Variants in EXT1 observed in about 807,000 individuals in gnomAD.
EXT1 encodes exostosin glycosyltransferase 1.
EXT1 carries 20 observed loss-of-function variants against 82.5 expected under a neutral mutation model. The ratio of observed to expected loss-of-function variants is 0.24; its 90% CI spans 0.17 to 0.35. The LOEUF (loss-of-function observed/expected upper bound fraction) is 0.35, where lower values mean the gene tolerates loss of function less well. Among genes scored for constraint, EXT1 ranks in the 10% least tolerant of loss-of-function variants. EXT1 has a pLI of 1.00. For missense variants in EXT1, 757 were observed against 936.5 expected, an observed-to-expected ratio of 0.81 and a Z score of 2.50; for synonymous variants, 348 against 350.8, an observed-to-expected ratio of 0.99 and a Z score of 0.09.
At chr8:117,802,000 T>A (rs1823173661) in intron 10 of EXT1, among the ~76,000 whole-genome samples, 1 of 152,214 alleles carries the variant, frequency 6.6e-6, no homozygotes, top group South Asian at 2.1e-4. Context: ...TCAACCAACA[T>A]CTATTAGAAA....
Position 117,830,335 on chromosome 8 carries a change from G to A in EXT1, c.1179C>T (p.Ile393=), listed in dbSNP as rs2129772459. ...ERLLLQIPST[I]RSIHQDKILA... is the part of the protein sequence containing the mutation. ...GGATTTTATCCTGATGAATAGACCT[G>A]ATTGTAGAAGGAATCTGTAACACAA... Residue 393 remains isoleucine (I), a synonymous_variant, in exon 4 of 11, where the codon ATC becomes ATT. Transcript: ENST00000378204. The A allele has an allele frequency of 3.7e-6, 6 of 1,613,982 alleles. No individual in the cohort carries two copies. The highest frequency in any genetic ancestry group is 5.1e-6 in the Non-Finnish European group (6 of 1,179,924).
chr8:117,873,738 G>A (rs1812918130), intron 1 of EXT1, among the ~76,000 whole-genome samples: 1 of 152,124 alleles, frequency 6.6e-6, no homozygotes. Context: ...TTACAGGCAT[G>A]AGCCACCGCG....
At chr8:117,908,737 C>A (rs1271322999) in intron 1 of EXT1, among the ~76,000 whole-genome samples, 2 of 152,114 alleles carry the variant, frequency 1.3e-5, no homozygotes, top group Admixed American at 6.5e-5. Context: ...CTAAGGAAAT[C>A]GTTATTAGCC....
intron 1 of EXT1, among the ~76,000 whole-genome samples, chr8:117,979,255 G>A (rs544996196): frequency 6.6e-6 from 1 of 152,140 alleles, no homozygotes; most frequent in East Asian, 1.9e-4. Flanking sequence ...TCGGGAGGCT[G>A]AGGCAGAAGA....
chr8:118,046,116 T>C (rs1263476936), intron 1 of EXT1, among the ~76,000 whole-genome samples: 2 of 148,652 alleles, frequency 1.3e-5, no homozygotes, highest in Non-Finnish European at 2.9e-5. Flanking sequence ...TTTTTTTTTT[T>C]CTTTTTGCCT....
intron 1 of EXT1, among the ~76,000 whole-genome samples, chr8:118,075,832 T>C (rs1009036609): frequency 4.6e-5 from 7 of 151,976 alleles, no homozygotes; most frequent in Non-Finnish European, 8.8e-5. Flanking sequence ...TTTGAAACAA[T>C]GGGATCTCAT....
chr8:118,045,006 T>A (rs530071231), intron 1 of EXT1, among the ~76,000 whole-genome samples: 8 of 152,368 alleles, frequency 5.3e-5, no homozygotes, highest in Non-Finnish European at 1.0e-4. Flanking sequence ...CGATACTATA[T>A]AAGCAAAGAT....
At chr8:117,870,572 C>G (rs550034901) in intron 1 of EXT1, among the ~76,000 whole-genome samples, 4 of 150,518 alleles carry the variant, frequency 2.7e-5, no homozygotes, top group Non-Finnish European at 5.9e-5. Context: ...ACTATTTACC[C>G]TAGAGTGAAT....
chr8:117,844,835 A>G (rs1226935406), intron 1 of EXT1, among the ~76,000 whole-genome samples: 2 of 152,192 alleles, frequency 1.3e-5, no homozygotes, highest in Non-Finnish European at 2.9e-5. Context: ...GTCCCCAAGC[A>G]GGAAGGCACT....
chr8:117,853,121 C>T (rs898093079), intron 1 of EXT1, among the ~76,000 whole-genome samples: 10 of 152,234 alleles, frequency 6.6e-5, no homozygotes, highest in Admixed American at 2.0e-4. Context: ...TTTGGGAAAA[C>T]GAAGTATGTG....
intron 1 of EXT1, among the ~76,000 whole-genome samples, chr8:117,960,520 A>T (rs1374551528): frequency 6.6e-6 from 1 of 152,242 alleles, no homozygotes; most frequent in Non-Finnish European, 1.5e-5. Flanking sequence ...GATTGGATAG[A>T]GAAACAAATC....
chr8:117,909,461 A>G (rs1813604876), intron 1 of EXT1, among the ~76,000 whole-genome samples: 1 of 152,230 alleles, frequency 6.6e-6, no homozygotes, highest in Non-Finnish European at 1.5e-5. Flanking sequence ...AGCAGAGATT[A>G]TGCTAGTTTG....
At chr8:117,894,185 T>C (rs112649277) in intron 1 of EXT1, among the ~76,000 whole-genome samples, 2 of 152,118 alleles carry the variant, frequency 1.3e-5, no homozygotes, top group African/African-American at 4.8e-5. Flanking sequence ...TTTCTTTTCT[T>C]TTCTTTTCTC....
At chr8:118,048,570 A>G (rs965732921) in intron 1 of EXT1, among the ~76,000 whole-genome samples, 3 of 152,212 alleles carry the variant, frequency 2.0e-5, no homozygotes, top group Non-Finnish European at 4.4e-5. Context: ...GACCCATCAG[A>G]AAAACAACAT....
chr8:117,998,014 AC>A (rs1342682198), intron 1 of EXT1, among the ~76,000 whole-genome samples: 3 of 103,320 alleles, frequency 2.9e-5, no homozygotes, highest in African/African-American at 1.2e-4. Context: ...ATTTTATTTT[AC>A]TTTTTTTTTT....
intron 1 of EXT1, among the ~76,000 whole-genome samples, chr8:117,973,483 T>C (rs1814982456): frequency 6.6e-6 from 1 of 152,190 alleles, no homozygotes; most frequent in African/African-American, 2.4e-5. Flanking sequence ...AAAAGCACAC[T>C]AGTTTAACAC....
chr8:117,982,408 C>T (rs1475701544), intron 1 of EXT1, among the ~76,000 whole-genome samples: 2 of 152,178 alleles, frequency 1.3e-5, no homozygotes, highest in African/African-American at 4.8e-5. Flanking sequence ...AGTGTCTAGC[C>T]CCTTTTAAGG....
chr8:117,994,204 A>C (rs1486660610), intron 1 of EXT1, among the ~76,000 whole-genome samples: 2 of 152,228 alleles, frequency 1.3e-5, no homozygotes, highest in South Asian at 2.1e-4. Context: ...CTTACCACGT[A>C]CATTTAGAAT....
chr8:117,830,167 AAGGCTGAG>A lies in EXT1; in HGVS notation c.1284+55_1284+62del, dbSNP rs1812074575. The A allele has an allele frequency of 2.5e-6, 4 of 1,608,818 alleles. No individual in the cohort carries two copies. In the South Asian group the frequency reaches 3.3e-5, roughly 13 times the overall value. On this transcript the variant is annotated intron_variant, in intron 4 of 10. Transcript: ENST00000378204. ...TCACACATCCCTAATAGCAAAACAG[AAGGCTGAG>A]AGAAGTGTATAAAGGACCATTATTC...
Sources: gnomAD v4.1 joint callset for allele counts (sites outside exome capture counted in the v4.1 genomes callset) on GRCh38, gnomAD v4.1.1 for gene constraint, MANE v1.5 for transcripts, NCBI Gene and HGNC (gene_info 2026-07-23, HGNC 2026-07-21) for gene names.